Variants in MARCO observed in about 807,000 individuals in gnomAD.
MARCO encodes the protein macrophage receptor with collagenous structure.
Under a neutral mutation model 70.0 loss-of-function variants are expected in MARCO, and 72 were observed. The observed-to-expected ratio is 1.03, with a 90% CI of 0.85 to 1.25. MARCO has a LOEUF of 1.25. Among genes scored for constraint, MARCO ranks in the 50% most tolerant of loss-of-function variants. The pLI is 0.00. For synonymous variants in MARCO, 273 were observed against 243.1 expected (o/e 1.12, Z -1.14); for missense variants, 696 against 659.3 (o/e 1.06, Z -0.61).
intron 1 of MARCO, among the ~76,000 whole-genome samples, chr2:118,956,204 T>C (rs543478241): frequency 4.1e-3 from 631 of 152,278 alleles, no homozygotes; most frequent in Non-Finnish European, 6.8e-3. Context: ...AACTGCAGAA[T>C]GGATAAGAAC....
intron 1 of MARCO, among the ~76,000 whole-genome samples, chr2:118,954,590 C>G (rs72960643): frequency 6.6e-6 from 1 of 152,326 alleles, no homozygotes; most frequent in African/African-American, 2.4e-5. Flanking sequence ...CTGGAAATTG[C>G]TACCTCCTGG....
chr2:118,973,693 G>C (rs915947975), intron 4 of MARCO, among the ~76,000 whole-genome samples: 4 of 152,162 alleles, frequency 2.6e-5, no homozygotes, highest in Non-Finnish European at 5.9e-5. Flanking sequence ...GGTCTCACTG[G>C]AGGCAGCCTG....
intron 6 of MARCO, among the ~76,000 whole-genome samples, chr2:118,975,769 T>G (rs1680270514): frequency 6.6e-6 from 1 of 152,188 alleles, no homozygotes. Context: ...TGCACATATA[T>G]GCACTCACAT....
intron 2 of MARCO, 138 bp downstream of exon 2, chr2:118,969,399 T>A: frequency 4.6e-6 from 3 of 653,122 alleles, no homozygotes; most frequent in Non-Finnish European, 8.2e-6. Context: ...TCTCAGCCCC[T>A]GGCAGCCACA....
chr2:118,990,559 TCC>T (rs3835093), intron 12 of MARCO, 28 bp from the exon 13 acceptor site: 961 of 1,305,764 alleles, frequency 7.4e-4, no homozygotes, highest in Middle Eastern at 1.3e-3. Context: ...TATTATCTCC[TCC>T]CCCCCCCCTT....
At position 118,956,430 on chromosome 2, in the gene MARCO, A is replaced by T. The variant is rs1319924717; in HGVS notation, c.98-12730A>T. On this transcript the variant is annotated intron_variant, in intron 1 of 16. Transcript: ENST00000327097. Reference sequence around the variant, plus strand: ...TATGTAATGGTAAAAGTCCTTGTCCAACAGGAAGATATCACAATCCCAAAC... The same window carrying T: ...TATGTAATGGTAAAAGTCCTTGTCCTACAGGAAGATATCACAATCCCAAAC... Among the ~76,000 whole-genome samples the T allele has an allele frequency of 3.5e-5, 5 of 144,198 alleles. 1 individual carries two copies. The highest frequency in any genetic ancestry group is 2.0e-4 in the Admixed American group (3 of 15,026). The allele number at this position is 144,198 out of a possible 152,430, so 94.6% of individuals were successfully genotyped here. A position where few individuals can be genotyped will look rare whatever the true frequency, so the allele number is the denominator to read the frequency against.
intron 4 of MARCO, among the ~76,000 whole-genome samples, chr2:118,972,703 T>C (rs1308937363): frequency 6.6e-6 from 1 of 152,244 alleles, no homozygotes; most frequent in East Asian, 1.9e-4. Flanking sequence ...TGGTTGTTAT[T>C]CTGTTATTCT....
chr2:118,943,815 C>A (rs912764415), intron 1 of MARCO, among the ~76,000 whole-genome samples: 2 of 152,142 alleles, frequency 1.3e-5, no homozygotes, highest in African/African-American at 4.8e-5. Context: ...GAGGCTGGAA[C>A]CAAAAAATTT....
intron 1 of MARCO, among the ~76,000 whole-genome samples, chr2:118,948,298 C>A (rs943357238): frequency 2.0e-5 from 3 of 152,234 alleles, no homozygotes; most frequent in African/African-American, 7.2e-5. Context: ...CTGTGTCCTG[C>A]ATCTATTGGC....
chr2:118,991,834 C>T lies in MARCO; in HGVS notation c.1166C>T (p.Ala389Val), dbSNP rs267598849. The T allele has an allele frequency of 1.2e-6, 2 of 1,600,780 alleles. No individual in the cohort carries two copies. The highest frequency in any genetic ancestry group is 1.7e-4 in the Middle Eastern group (1 of 6,042). The change falls in exon 14 of 17, where the codon GCC (alanine) becomes GTC (valine). Residue 389 changes from alanine (A) to valine (V), a missense_variant. Ala to Val is a moderately conservative substitution (Grantham distance 64). Coordinates refer to ENST00000327097, the MANE Select transcript of MARCO (RefSeq NM_006770.4). ...GSPGLAGPKG[A>V]PGQAGQKGDQ... ...CCAGGGCTGGCAGGTCCCAAGGGAGCCCCTGGACAAGCTGGCCAGAAGGGA... is the reference window on the plus strand; with the variant it reads ...CCAGGGCTGGCAGGTCCCAAGGGAGTCCCTGGACAAGCTGGCCAGAAGGGA...
intron 1 of MARCO, among the ~76,000 whole-genome samples, chr2:118,948,538 G>C (rs1011040710): frequency 1.1e-4 from 17 of 152,250 alleles, no homozygotes; most frequent in Admixed American, 1.3e-4. Flanking sequence ...CGCAAAGCAA[G>C]AGGCTTGAAG....
At chr2:118,959,644 C>T (rs1225327053) in intron 1 of MARCO, among the ~76,000 whole-genome samples, 2 of 152,098 alleles carry the variant, frequency 1.3e-5, no homozygotes, top group African/African-American at 4.8e-5. Context: ...GGTATCTACC[C>T]AGAGGAAAAG....
intron 12 of MARCO, among the ~76,000 whole-genome samples, chr2:118,984,805 C>T (rs1190125678): frequency 6.6e-6 from 1 of 152,194 alleles, no homozygotes; most frequent in Non-Finnish European, 1.5e-5. Flanking sequence ...TTGTCAATGT[C>T]AGGATGTCGG....
At chr2:118,986,726 G>GAAAGAAAGAAAGAAAGAAAGAAAGA (rs1680522216) in intron 12 of MARCO, among the ~76,000 whole-genome samples, 1 of 107,744 alleles carries the variant, frequency 9.3e-6, no homozygotes, top group African/African-American at 4.6e-5. Flanking sequence ...AGAAAGAAAA[G>GAAAGAAAGAAAGAAAGAAAGAAAGA]AAAGAAAGAA....
chr2:118,986,599 A>AAGAAAGAG (rs1680492315), intron 12 of MARCO, among the ~76,000 whole-genome samples: 7 of 10,470 alleles, frequency 6.7e-4, no homozygotes, highest in African/African-American at 3.9e-3. Flanking sequence ...GAAAGAAAGA[A>AAGAAAGAG]AGAAAGAAAG....
rs1299407353 is a variant in MARCO, at chr2:118,994,422, C to T, written c.1465C>T (p.Arg489Trp). ...GATCTGGCTGGATAATGTTCAGTGT[C>T]GGGGCACGGAGAGTACCCTGTGGAG... ...GQIWLDNVQCRGTESTLWSCT... is the reference protein window; with the variant it reads ...GQIWLDNVQCWGTESTLWSCT... Residue 489 changes from arginine (R) to tryptophan (W), a missense_variant, in exon 17 of 17, where the codon CGG becomes TGG. Physicochemically the swap from Arg to Trp is moderately radical, Grantham distance 101. Coordinates refer to ENST00000327097, the MANE Select transcript of MARCO (RefSeq NM_006770.4). 6 of 1,614,138 alleles carry T rather than the reference C, an allele frequency of 3.7e-6. No homozygotes were observed. Among genetic ancestry groups the T allele is most frequent in the African/African-American group, 2.7e-5 (2 of 75,040 alleles).
At chr2:118,948,056 T>C (rs1305213188) in intron 1 of MARCO, among the ~76,000 whole-genome samples, 4 of 152,218 alleles carry the variant, frequency 2.6e-5, no homozygotes, top group Non-Finnish European at 5.9e-5. Context: ...TTTTATTAGA[T>C]TTATATCTAA....
rs1680239025 is a variant in MARCO at position 118,974,520 on chromosome 2, G to T, written c.569-1G>T. 1.9e-6 allele frequency: 3 copies of T among 1,613,946 alleles called. No homozygotes were observed. The highest frequency in any genetic ancestry group is 2.2e-5 in the East Asian group (1 of 44,864). ...CACTCTGAATTCCCTTTCCCTTCCA[G>T]GCCCCTCGGGACCCCAAGGCCCACC... is the stretch of plus-strand genomic sequence containing the variant. On this transcript the variant is annotated splice_acceptor_variant, in intron 5 of 16. Coordinates refer to ENST00000327097, the MANE Select transcript of MARCO (RefSeq NM_006770.4). LOFTEE classifies it high-confidence loss of function.
chr2:118,990,616 G>A lies in MARCO; in HGVS notation c.1091G>A (p.Gly364Glu). Residue 364 changes from glycine to glutamate, a missense_variant, in exon 13 of 17, where the codon GGA (glycine) becomes GAA (glutamate). By Grantham distance (98) the Gly-to-Glu change is moderately conservative. Around this residue, in one of 3 missense-constraint regions of MARCO, gnomAD observed 605 missense variants for 537.6 expected, o/e 1.13. Coordinates refer to ENST00000327097, the MANE Select transcript of MARCO (RefSeq NM_006770.4). ...TGLQGQQGRKGESGVPGPAGV... is the reference protein window; with the variant it reads ...TGLQGQQGRKEESGVPGPAGV... ...CTTCAAGGACAGCAAGGAAGAAAAG[G>A]AGAATCAGGAGTTCCAGGTAAAGGG... is the stretch of plus-strand genomic sequence containing the variant. 6.3e-7 allele frequency: 1 copy of A among 1,589,392 alleles called. No individual in the cohort carries two copies. The highest frequency in any genetic ancestry group is 8.6e-7 in the Non-Finnish European group (1 of 1,164,324).
Sources: allele counts gnomAD v4.1 joint callset (sites outside exome capture counted in the v4.1 genomes callset), GRCh38; gene constraint gnomAD v4.1.1; regional missense constraint gnomAD v4.1.1; transcripts MANE v1.5; gene names NCBI Gene and HGNC (gene_info 2026-07-23, HGNC 2026-07-21).